PCDHA1: variants seen among roughly 807,000 people sequenced by gnomAD.
The protein encoded by PCDHA1 is protocadherin alpha 1, also known as protocadherin alpha-1.
A neutral mutation model predicts 61.3 loss-of-function variants in PCDHA1; 42 were observed. That is an observed-to-expected ratio of 0.69 (90% CI 0.54 to 0.89). PCDHA1 has a LOEUF of 0.89. Among genes scored for constraint, PCDHA1 ranks in the 40% least tolerant of loss-of-function variants. PCDHA1 has a pLI of 0.00. For missense variants in PCDHA1, 1,256 were observed against 1,235.3 expected, an observed-to-expected ratio of 1.02 and a Z score of -0.25; for synonymous variants, 610 against 553.8, an observed-to-expected ratio of 1.10 and a Z score of -1.43.
chr5:140,968,363 G>T (rs1448494733), intron 1 of PCDHA1: 1 of 1,614,090 alleles, frequency 6.2e-7, no homozygotes, highest in East Asian at 2.2e-5. Context: ...CAGCCTTTAT[G>T]CTGTCAACTC....
intron 1 of PCDHA1, chr5:140,830,073 C>T (rs2150180623): frequency 6.2e-7 from 1 of 1,613,470 alleles, no homozygotes; most frequent in African/African-American, 1.3e-5. Flanking sequence ...GCGCTGACAG[C>T]GACGGCCACG....
At chr5:140,788,705 T>A in intron 1 of PCDHA1, 21 bp downstream of exon 1, 1 of 1,521,728 alleles carries the variant, frequency 6.6e-7, no homozygotes, top group Non-Finnish European at 8.8e-7. Flanking sequence ...CTTTCGAGTT[T>A]TGGCTTTAAA....
intron 1 of PCDHA1, chr5:140,836,166 C>A (rs373780071): frequency 1.9e-6 from 3 of 1,613,826 alleles, no homozygotes; most frequent in South Asian, 1.1e-5. Flanking sequence ...GGCGAAGGTA[C>A]GTGCAGTTGA....
chr5:140,926,128 CGCAGCAGGATCCAGCGCGGAAAGCTCT>C (rs1157627097), intron 1 of PCDHA1, among the ~76,000 whole-genome samples: 1 of 152,278 alleles, frequency 6.6e-6, no homozygotes, highest in East Asian at 1.9e-4. Flanking sequence ...GACTTCAACC[CGCAGCAGGATCCAGCGCGGAAAGCTCT>C]GCAGCAGGAT....
chr5:140,866,649 T>G (rs1554160460), intron 1 of PCDHA1: 4 of 152,162 alleles, frequency 2.6e-5, no homozygotes, highest in African/African-American at 9.6e-5. Context: ...AAAATTTATT[T>G]ATGTGTTTTC....
chr5:141,003,308 A>C (rs2098118679), intron 3 of PCDHA1, among the ~76,000 whole-genome samples: 1 of 152,200 alleles, frequency 6.6e-6, no homozygotes, highest in Non-Finnish European at 1.5e-5. Context: ...TGAAGTGGCC[A>C]GCTACTTCCA....
At chr5:140,804,435 G>A (rs1315847720) in intron 1 of PCDHA1, 3 of 152,046 alleles carry the variant, frequency 2.0e-5, no homozygotes, top group African/African-American at 4.8e-5. Context: ...TTAAAAGAAT[G>A]TTTTAAATCT....
At chr5:140,867,400 T>C (rs544481917) in intron 1 of PCDHA1, 18 of 152,290 alleles carry the variant, frequency 1.2e-4, no homozygotes, top group African/African-American at 3.8e-4. Context: ...AAAGTTGATA[T>C]GTCTCCTTTA....
chr5:141,006,233 A>G (rs1311441986), intron 3 of PCDHA1, among the ~76,000 whole-genome samples: 2 of 151,044 alleles, frequency 1.3e-5, no homozygotes, highest in African/African-American at 4.9e-5. Flanking sequence ...TTATTTTTAG[A>G]TGGAGTCTTG....
chr5:140,966,726 C>T, intron 1 of PCDHA1: 3 of 1,402,206 alleles, frequency 2.1e-6, no homozygotes, highest in Non-Finnish European at 1.8e-6. Flanking sequence ...GAAGCTGCCG[C>T]CTCCGGCCCT....
intron 1 of PCDHA1, chr5:140,797,541 C>A: frequency 2.6e-6 from 2 of 754,938 alleles, no homozygotes; most frequent in Non-Finnish European, 4.3e-6. Context: ...ATCTACATAA[C>A]TGTTTTCTTA....
Position 140,927,865 on chromosome 5 carries a change from A to G in PCDHA1, c.2395-51084A>G, listed in dbSNP as rs576160357. 6.8e-6 allele frequency: 11 copies of G among 1,614,110 alleles called. No homozygotes were observed. In the Admixed American group the frequency reaches 1.3e-4, roughly 20 times the overall value. On this transcript the variant is annotated intron_variant, in intron 1 of 3. Transcript: ENST00000504120. Reference sequence around the variant, plus strand: ...TGTCTTTGGTTTAGCTAGCACCGCTAAACTGCTGGTGGAGGTGACTGACGT... The same window carrying G: ...TGTCTTTGGTTTAGCTAGCACCGCTGAACTGCTGGTGGAGGTGACTGACGT...
chr5:140,824,610 G>GTTGTTTTTTTTTTTT lies in PCDHA1; in HGVS notation c.2394+35928_2394+35929insGTTTTTTTTTTTTTT, dbSNP rs1768193318. The GTTGTTTTTTTTTTTT allele has an allele frequency of 3.2e-5, 3 of 95,104 alleles. 1 individual carries two copies. The highest frequency in any genetic ancestry group is 1.5e-4 in the African/African-American group (3 of 20,556). The allele number at this position is 95,104 out of a possible 1,614,324, so 5.9% of individuals were successfully genotyped here. A position where few individuals can be genotyped will look rare whatever the true frequency, so the allele number is the denominator to read the frequency against. On this transcript the variant is annotated intron_variant, in intron 1 of 3. Coordinates refer to ENST00000504120, the MANE Select transcript of PCDHA1 (RefSeq NM_018900.4). ...GGACTACATGCACATGCTAATTAAAGTTTTTTTTTTTTTTTTTTTTTTATT... is the reference window on the plus strand; with the variant it reads ...GGACTACATGCACATGCTAATTAAAGTTGTTTTTTTTTTTTTTTTTTTTTTTTTTTTTTTTTTATT...
chr5:140,788,578 G>T lies in PCDHA1; in HGVS notation c.2288G>T (p.Gly763Val). Residue 763 changes from glycine to valine, a missense_variant, in exon 1 of 4, where the codon GGC (glycine) becomes GTC (valine). By Grantham distance (109) the Gly-to-Val change is moderately radical. Coordinates refer to ENST00000504120, the MANE Select transcript of PCDHA1 (RefSeq NM_018900.4). ...QRRQRVCSSE[G>V]PPKTDLMAFS... is the part of the protein sequence containing the mutation. ...CGGCAGAGGGTGTGCTCTAGCGAGG[G>T]CCCACCCAAGACCGACCTCATGGCC... The T allele has an allele frequency of 6.2e-7, 1 of 1,614,120 alleles. No homozygotes were observed. Among genetic ancestry groups the T allele is most frequent in the Non-Finnish European group, 8.5e-7 (1 of 1,180,000 alleles).
At chr5:140,849,965 G>C (rs2150460683) in intron 1 of PCDHA1, 1 of 1,597,882 alleles carries the variant, frequency 6.3e-7, no homozygotes, top group East Asian at 2.2e-5. Context: ...ACGCCCTGGT[G>C]TCCTACTCGC....
At chr5:140,844,014 G>A (rs2150368262) in intron 1 of PCDHA1, among the ~76,000 whole-genome samples, 4 of 149,646 alleles carry the variant, frequency 2.7e-5, no homozygotes, top group Admixed American at 2.0e-4. Context: ...CTCTAAGGAC[G>A]TTCAGGGCAT....
intron 1 of PCDHA1, chr5:140,856,583 C>T: frequency 1.9e-6 from 3 of 1,597,002 alleles, no homozygotes; most frequent in Non-Finnish European, 2.6e-6. Flanking sequence ...GTATTTTGTT[C>T]TTGATATTAT....
chr5:140,836,092 T>C, intron 1 of PCDHA1: 2 of 1,613,516 alleles, frequency 1.2e-6, no homozygotes, highest in South Asian at 1.1e-5. Context: ...GCGCCTCGGG[T>C]GGGTGGCACT....
At position 140,844,006 on chromosome 5, in the gene PCDHA1, C is replaced by T. The variant is rs1258789343; in HGVS notation, c.2394+55322C>T. Among the ~76,000 whole-genome samples, 3 of 149,656 alleles carry T rather than the reference C, an allele frequency of 2.0e-5. No homozygotes were observed. In the Admixed American group the frequency reaches 2.0e-4, roughly 10 times the overall value. ...ACAGCCGTCTTCTCTGAACAATACT[C>T]TAAGGACGTTCAGGGCATTTTGATC... is the stretch of plus-strand genomic sequence containing the variant. On this transcript the variant is annotated intron_variant, in intron 1 of 3. Coordinates refer to ENST00000504120, the MANE Select transcript of PCDHA1 (RefSeq NM_018900.4).
Sources: allele counts gnomAD v4.1 joint callset (sites outside exome capture counted in the v4.1 genomes callset), GRCh38; gene constraint gnomAD v4.1.1; transcripts MANE v1.5; gene names NCBI Gene and HGNC (gene_info 2026-07-23, HGNC 2026-07-21).